CTNND2: variants seen among roughly 807,000 people sequenced by gnomAD.
CTNND2 encodes catenin delta-2.
In CTNND2, 22 loss-of-function variants were observed where a neutral mutation model predicts 144.4. The ratio of observed to expected loss-of-function variants is 0.15; its 90% CI spans 0.11 to 0.22. CTNND2 has a LOEUF of 0.22. CTNND2 is among the 10% of genes least tolerant of loss of function. The pLI, the probability that CTNND2 is intolerant of heterozygous loss-of-function variation, is 1.00. For missense variants in CTNND2, 1,353 were observed against 1,618.8 expected (o/e 0.84, Z 2.82); for synonymous variants, 751 against 695.6 (o/e 1.08, Z -1.25).
intron 21 of CTNND2, among the ~76,000 whole-genome samples, chr5:10,976,961 G>A (rs1050458624): frequency 1.2e-4 from 18 of 152,392 alleles, no homozygotes; most frequent in African/African-American, 4.3e-4. Flanking sequence ...GAACTTGTTA[G>A]AAATGCAGAT....
At chr5:11,443,185 T>G (rs11951725) in intron 3 of CTNND2, among the ~76,000 whole-genome samples, 23,403 of 149,624 alleles carry the variant, frequency 0.16, 2,895 homozygotes, top group African/African-American at 0.35. Context: ...GTGTGGTGTG[T>G]GGTGTGTGTG....
At chr5:10,987,645 C>T (rs1175839416) in intron 20 of CTNND2, among the ~76,000 whole-genome samples, 7 of 145,226 alleles carry the variant, frequency 4.8e-5, no homozygotes, top group East Asian at 2.0e-4. Flanking sequence ...TTCCATTCCC[C>T]GTCCCTCCCC....
rs537612055 is a variant in CTNND2, at chr5:11,090,507, C to T, written c.2638-7661G>A. On this transcript the variant is annotated intron_variant, in intron 15 of 21. Transcript: ENST00000304623. ...GCCTGAGTTCTGCCTCCTGTCAGAT[C>T]GGCAGCAGCATTTGATTCTCATAGG... Among the ~76,000 whole-genome samples the T allele has an allele frequency of 3.9e-5, 6 of 152,278 alleles. No individual in the cohort carries two copies. The South Asian group carries it at 6.2e-4, about 16-fold the overall frequency.
chr5:11,024,652 G>C (rs900094847), intron 16 of CTNND2, among the ~76,000 whole-genome samples: 1 of 152,156 alleles, frequency 6.6e-6, no homozygotes, highest in Non-Finnish European at 1.5e-5. Flanking sequence ...TTACACCCTT[G>C]ACTGTGTATG....
chr5:11,448,157 T>C lies in CTNND2; in HGVS notation c.288-36088A>G, dbSNP rs150455208. On this transcript the variant is annotated intron_variant, in intron 3 of 21. Transcript: ENST00000304623. ...ACACATCTGAGGATTAGCTGTGCTG[T>C]TCAATTGTTACTGCTGATACTGGTT... Among the ~76,000 whole-genome samples the C allele has an allele frequency of 1.8e-3, 275 of 152,314 alleles. 2 individuals carry two copies. Among genetic ancestry groups the C allele is most frequent in the African/African-American group, 6.3e-3 (262 of 41,576 alleles).
intron 12 of CTNND2, among the ~76,000 whole-genome samples, chr5:11,155,219 A>C (rs1332623610): frequency 6.6e-6 from 1 of 152,322 alleles, no homozygotes; most frequent in East Asian, 1.9e-4. Context: ...TAGCGGCCAC[A>C]GGTTAAGAGA....
At chr5:11,127,213 A>T (rs1754765430) in intron 12 of CTNND2, among the ~76,000 whole-genome samples, 1 of 152,222 alleles carries the variant, frequency 6.6e-6, no homozygotes, top group South Asian at 2.1e-4. Flanking sequence ...ACCAAGGGCA[A>T]ATCTTGTTAA....
intron 9 of CTNND2, among the ~76,000 whole-genome samples, chr5:11,304,867 CT>C (rs1452519020): frequency 6.6e-6 from 1 of 152,216 alleles, no homozygotes; most frequent in Non-Finnish European, 1.5e-5. Flanking sequence ...GTGTTTCCCA[CT>C]AGTCTAAGCT....
chr5:11,450,532 C>T (rs558770505), intron 3 of CTNND2, among the ~76,000 whole-genome samples: 9 of 152,304 alleles, frequency 5.9e-5, no homozygotes, highest in African/African-American at 1.4e-4. Flanking sequence ...GTGCACAGCA[C>T]GCTTCTTTGC....
At chr5:11,521,101 A>G (rs1340658936) in intron 3 of CTNND2, among the ~76,000 whole-genome samples, 1 of 152,222 alleles carries the variant, frequency 6.6e-6, no homozygotes, top group Non-Finnish European at 1.5e-5. Context: ...GCTTATTACC[A>G]TTTTAGAAAT....
chr5:11,767,021 C>T (rs1171637832), intron 1 of CTNND2, among the ~76,000 whole-genome samples: 1 of 152,126 alleles, frequency 6.6e-6, no homozygotes, highest in Non-Finnish European at 1.5e-5. Flanking sequence ...CACAACACTC[C>T]ATCCATCTAC....
intron 10 of CTNND2, among the ~76,000 whole-genome samples, chr5:11,204,301 C>T (rs1006173830): frequency 6.8e-6 from 1 of 147,600 alleles, no homozygotes; most frequent in African/African-American, 2.4e-5. Flanking sequence ...GAATGTATTC[C>T]CAGTTTGCAC....
At chr5:11,106,754 C>T (rs1056771660) in intron 14 of CTNND2, among the ~76,000 whole-genome samples, 3 of 152,118 alleles carry the variant, frequency 2.0e-5, no homozygotes, top group African/African-American at 4.8e-5. Context: ...CCAAGGTTCA[C>T]CTAGGGTCAT....
intron 17 of CTNND2, among the ~76,000 whole-genome samples, chr5:11,020,299 G>A (rs1183966361): frequency 1.3e-5 from 2 of 151,230 alleles, no homozygotes; most frequent in East Asian, 1.9e-4. Flanking sequence ...AGCAAGGCAC[G>A]TTTCTTCCAT....
intron 3 of CTNND2, among the ~76,000 whole-genome samples, chr5:11,539,984 A>G (rs1396822033): frequency 1.3e-5 from 2 of 152,208 alleles, no homozygotes; most frequent in African/African-American, 4.8e-5. Context: ...CAGTGAGCTG[A>G]GGTCGCACCA....
intron 16 of CTNND2, among the ~76,000 whole-genome samples, chr5:11,053,991 A>G (rs1462586262): frequency 1.3e-5 from 2 of 152,260 alleles, no homozygotes; most frequent in African/African-American, 4.8e-5. Flanking sequence ...CCTACAATAA[A>G]ACGAAAATAA....
At chr5:11,653,741 T>C (rs1313458573) in intron 2 of CTNND2, among the ~76,000 whole-genome samples, 5 of 151,956 alleles carry the variant, frequency 3.3e-5, no homozygotes, top group Admixed American at 3.3e-4. Flanking sequence ...TTTAGTTTGA[T>C]GTAGGCTTGT....
intron 12 of CTNND2, among the ~76,000 whole-genome samples, chr5:11,128,729 T>A (rs1177926662): frequency 3.6e-5 from 2 of 55,036 alleles, no homozygotes; most frequent in South Asian, 1.4e-3. Context: ...GCCATATATA[T>A]AATATATATA....
At chr5:11,256,626 A>T (rs1438661901) in intron 9 of CTNND2, among the ~76,000 whole-genome samples, 1 of 152,242 alleles carries the variant, frequency 6.6e-6, no homozygotes, top group Non-Finnish European at 1.5e-5. Flanking sequence ...GCAATATTAC[A>T]TATGTACTAA....
Sources: gnomAD v4.1 joint callset for allele counts (sites outside exome capture counted in the v4.1 genomes callset) on GRCh38, gnomAD v4.1.1 for gene constraint, MANE v1.5 for transcripts, NCBI Gene and HGNC (gene_info 2026-07-23, HGNC 2026-07-21) for gene names.